Variants in FAM178B observed in about 807,000 individuals in gnomAD.
FAM178B encodes family with sequence similarity 178 member B.
FAM178B carries 82 observed loss-of-function variants against 91.7 expected under a neutral mutation model. The observed-to-expected ratio is 0.89, with a 90% confidence interval of 0.75 to 1.07. The LOEUF (loss-of-function observed/expected upper bound fraction) is 1.07. Ranked by LOEUF, FAM178B falls within the 50% of genes least tolerant of loss-of-function variation. The pLI is 0.00. For missense variants in FAM178B, 769 were observed against 846.7 expected, an observed-to-expected ratio of 0.91 and a Z score of 1.14; for synonymous variants, 368 against 359.4, an observed-to-expected ratio of 1.02 and a Z score of -0.27.
intron 8 of FAM178B, among the ~76,000 whole-genome samples, chr2:96,933,060 C>T (rs888863235): frequency 6.8e-5 from 10 of 148,064 alleles, no homozygotes; most frequent in South Asian, 2.1e-4. Flanking sequence ...CTGGCTAACA[C>T]GGTGAAACCC....
intron 8 of FAM178B, among the ~76,000 whole-genome samples, chr2:96,931,856 GTTTT>G (rs75999007): frequency 1.4e-5 from 2 of 141,828 alleles, no homozygotes; most frequent in African/African-American, 5.1e-5. Flanking sequence ...TTGTTTGTTT[GTTTT>G]TTTTTTTTTT....
chr2:96,970,895 T>C (rs931142141), intron 3 of FAM178B, 118 bp from the exon 4 acceptor site: 2 of 786,906 alleles, frequency 2.5e-6, no homozygotes, highest in Non-Finnish European at 4.2e-6. Context: ...GAAAAGATAC[T>C]ATGTTTACAG....
chr2:96,897,984 C>A, intron 13 of FAM178B: 1 of 985,498 alleles, frequency 1.0e-6, no homozygotes. Context: ...TGCTCCTGCT[C>A]CATGGGGCCT....
Position 96,902,761 on chromosome 2 carries a change from A to C in FAM178B, c.1563-54T>G, listed in dbSNP as rs886564088. 3.0e-6 allele frequency: 4 copies of C among 1,348,330 alleles called. No homozygotes were observed. In the African/African-American group the frequency reaches 5.9e-5, roughly 20 times the overall value. The allele number at this position is 1,348,330 out of a possible 1,614,324, so 83.5% of individuals were successfully genotyped here. ...GGTGTGCTGGAAGTCGGGGAGCCCG[A>C]GCAGGGGGCAGGATACCCATGGAGA... On this transcript the variant is annotated intron_variant, in intron 12 of 16. Transcript: ENST00000490605.
chr2:96,957,025 T>G (rs1398110877), intron 6 of FAM178B, among the ~76,000 whole-genome samples: 1 of 11,566 alleles, frequency 8.6e-5, no homozygotes, highest in African/African-American at 6.4e-4. Context: ...CATGGCTCAT[T>G]TTTTTTTTGC....
chr2:96,925,500 G>C (rs550792436), intron 9 of FAM178B, among the ~76,000 whole-genome samples: 1 of 152,354 alleles, frequency 6.6e-6, no homozygotes, highest in East Asian at 1.9e-4. Context: ...CTGAGCTGCA[G>C]CATCAGCTGA....
At chr2:96,923,790 T>G (rs895857275) in intron 9 of FAM178B, among the ~76,000 whole-genome samples, 1 of 152,154 alleles carries the variant, frequency 6.6e-6, no homozygotes, top group Non-Finnish European at 1.5e-5. Flanking sequence ...GTCTCTCGGA[T>G]GTTGCCCTCA....
rs746686843 is a variant in FAM178B at position 96,877,987 on chromosome 2, C to T, written c.1910G>A (p.Arg637Gln). Residue 637 changes from arginine (R) to glutamine (Q), a missense_variant, in exon 16 of 17, where the codon CGG becomes CAG. Coordinates refer to ENST00000490605, the MANE Select transcript of FAM178B (RefSeq NM_001122646.3). ...QLDRHISTQI[R>Q]ESPQAMHRTM... is the part of the protein sequence containing the mutation. The stretch of plus-strand genomic sequence containing the variant: ...GCGGTGCATGGCCTGGGGGCTCTCC[C>T]GGATCTGCGTGCTGATGTGGCGGTC... 1.4e-5 allele frequency: 23 copies of T among 1,613,272 alleles called. No individual in the cohort carries two copies. The highest frequency in any genetic ancestry group is 8.0e-5 in the African/African-American group (6 of 74,944).
intron 9 of FAM178B, among the ~76,000 whole-genome samples, chr2:96,924,883 T>C (rs1278802628): frequency 6.6e-6 from 1 of 152,008 alleles, no homozygotes; most frequent in Non-Finnish European, 1.5e-5. Context: ...GTGAAGTCTC[T>C]GCTCTTCTCT....
chr2:96,979,269 C>T (rs953857011), intron 1 of FAM178B, among the ~76,000 whole-genome samples: 10 of 140,814 alleles, frequency 7.1e-5, no homozygotes, highest in African/African-American at 2.1e-4. Context: ...GCCACTGCGC[C>T]CAGGCATTTT....
chr2:96,948,952 C>G (rs997015674), intron 7 of FAM178B, among the ~76,000 whole-genome samples: 10 of 152,312 alleles, frequency 6.6e-5, no homozygotes, highest in East Asian at 1.9e-4. Context: ...GCACGCCCCC[C>G]CCAGTAAGCC....
intron 13 of FAM178B, among the ~76,000 whole-genome samples, chr2:96,902,191 C>T (rs1395201942): frequency 6.6e-6 from 1 of 151,632 alleles, no homozygotes; most frequent in Non-Finnish European, 1.5e-5. Flanking sequence ...CTGCAAGCTC[C>T]ACCTCCCAGG....
At chr2:96,878,908 G>A (rs1003885733) in intron 14 of FAM178B, among the ~76,000 whole-genome samples, 4 of 152,136 alleles carry the variant, frequency 2.6e-5, no homozygotes, top group Non-Finnish European at 4.4e-5. Context: ...CAGCCTGCCT[G>A]GACAGTCGCC....
Position 96,986,439 on chromosome 2 carries a change from C to T in FAM178B, c.-126G>A. On this transcript the variant is annotated 5_prime_UTR_variant, in exon 1 of 17. Coordinates refer to ENST00000490605, the MANE Select transcript of FAM178B (RefSeq NM_001122646.3). ...CTCCCCAGGCGGCGCAGTGGGAGGA[C>T]CCCAAGAGTTGCGTCCCTAGATCCA... 8.5e-7 allele frequency: 1 copy of T among 1,176,278 alleles called. No individual in the cohort carries two copies. Among genetic ancestry groups the T allele is most frequent in the Non-Finnish European group, 1.2e-6 (1 of 863,934 alleles). 72.9% of individuals were successfully genotyped at this position (1,176,278 alleles called of 1,614,324 possible). A position where few individuals can be genotyped will look rare whatever the true frequency, so the allele number is the denominator to read the frequency against.
In FAM178B at chr2:96,947,875, A is replaced by T. The variant is rs745586518; in HGVS notation, c.1021T>A (p.Leu341Met). The change falls in exon 8 of 17, where the codon TTG becomes ATG. Residue 341 changes from leucine (L) to methionine (M), a missense_variant. Physicochemically the swap from Leu to Met is conservative, Grantham distance 15. Coordinates refer to ENST00000490605, the MANE Select transcript of FAM178B (RefSeq NM_001122646.3). The stretch of plus-strand genomic sequence containing the variant: ...TCCCACAGAAGACCAAAGGCTCCCA[A>T]AGATGTTTCTGGAGGCCATGTCAGC... ...QLLTWPPETS[L>M]GAFGLLWDLI... 6.5e-7 allele frequency: 1 copy of T among 1,548,840 alleles called. No homozygotes were observed. The highest frequency in any genetic ancestry group is 1.4e-5 in the African/African-American group (1 of 72,866).
At chr2:96,905,083 C>G (rs2081005573) in intron 12 of FAM178B, among the ~76,000 whole-genome samples, 1 of 125,998 alleles carries the variant, frequency 7.9e-6, no homozygotes, top group African/African-American at 3.0e-5. Flanking sequence ...CAAACTTCAG[C>G]TGTTGGAAGT....
chr2:96,929,911 A>AT (rs2081511120), intron 8 of FAM178B, among the ~76,000 whole-genome samples: 1 of 152,130 alleles, frequency 6.6e-6, no homozygotes, highest in Non-Finnish European at 1.5e-5. Flanking sequence ...CCAAACATTC[A>AT]TGATAAAGTC....
At position 96,876,049 on chromosome 2, in the gene FAM178B, C is replaced by T; in HGVS notation, c.*227G>A. 1.8e-6 allele frequency: 1 copy of T among 567,780 alleles called. No individual in the cohort carries two copies. Among genetic ancestry groups the T allele is most frequent in the Non-Finnish European group, 3.1e-6 (1 of 318,758 alleles). The allele number at this position is 567,780 out of a possible 1,614,324, so 35.2% of individuals were successfully genotyped here. On this transcript the variant is annotated 3_prime_UTR_variant, in exon 17 of 17. Coordinates refer to ENST00000490605, the MANE Select transcript of FAM178B (RefSeq NM_001122646.3). The stretch of plus-strand genomic sequence containing the variant: ...GAGGAGGGCTGAGGGGTGGGCGAGG[C>T]AGAGAGGCCCATCCCTTGCTGAGAG...
intron 13 of FAM178B, among the ~76,000 whole-genome samples, chr2:96,895,915 C>A (rs567220346): frequency 4.6e-5 from 7 of 152,334 alleles, no homozygotes; most frequent in Middle Eastern, 3.4e-3. Flanking sequence ...AGGCCCAGGG[C>A]CTCAGCTTCT....
Sources: allele counts gnomAD v4.1 joint callset (sites outside exome capture counted in the v4.1 genomes callset), GRCh38; gene constraint gnomAD v4.1.1; transcripts MANE v1.5; gene names NCBI Gene and HGNC (gene_info 2026-07-23, HGNC 2026-07-21).